PHF14: variants seen among roughly 807,000 people sequenced by gnomAD.
PHF14 encodes the protein PHD finger protein 14.
In PHF14, 55 loss-of-function variants were observed where a neutral mutation model predicts 117.9. The observed-to-expected ratio is 0.47, with a 90% confidence interval of 0.38 to 0.58. The LOEUF (loss-of-function observed/expected upper bound fraction) is 0.58, where lower values mean the gene tolerates loss of function less well. Among genes scored for constraint, PHF14 ranks in the 20% least tolerant of loss-of-function variants. The pLI is 0.00. For missense variants in PHF14, 978 were observed against 1,122.2 expected, an observed-to-expected ratio of 0.87 and a Z score of 1.84; for synonymous variants, 409 against 368.6, an observed-to-expected ratio of 1.11 and a Z score of -1.26.
rs1583317857 is a variant in PHF14 at position 10,974,271 on chromosome 7, C to T, written c.-53C>T. 6.5e-7 allele frequency: 1 copy of T among 1,543,658 alleles called. No individual in the cohort carries two copies. The highest frequency in any genetic ancestry group is 1.2e-5 in the South Asian group (1 of 85,126). The stretch of plus-strand genomic sequence containing the variant: ...GTCCCCGACCTCGGCGCTGCCTGGG[C>T]TCCTGCAGCCTCTCCCTAAGTCTTC... On this transcript the variant is annotated 5_prime_UTR_variant, in exon 1 of 18. Coordinates refer to ENST00000634607, the MANE Select transcript of PHF14 (RefSeq NM_001007157.2).
At chr7:11,017,386 C>T (rs1361591623) in intron 5 of PHF14, among the ~76,000 whole-genome samples, 1 of 152,138 alleles carries the variant, frequency 6.6e-6, no homozygotes, top group Non-Finnish European at 1.5e-5. Flanking sequence ...CTTTTCTCCA[C>T]ATTCTTGCCA....
intron 4 of PHF14, among the ~76,000 whole-genome samples, chr7:10,997,775 G>A (rs1425302630): frequency 2.6e-5 from 4 of 152,222 alleles, no homozygotes; most frequent in Non-Finnish European, 5.9e-5. Context: ...TTCATGAAGG[G>A]CAGCTGGCTT....
At chr7:11,133,505 G>A (rs945889004) in intron 17 of PHF14, among the ~76,000 whole-genome samples, 1 of 151,888 alleles carries the variant, frequency 6.6e-6, no homozygotes, top group African/African-American at 2.4e-5. Flanking sequence ...ATTAGATTGA[G>A]ACCATATCAT....
chr7:11,100,161 A>G (rs1273007396), intron 16 of PHF14, among the ~76,000 whole-genome samples: 2 of 152,062 alleles, frequency 1.3e-5, no homozygotes, highest in Admixed American at 6.6e-5. Flanking sequence ...TATTGATTTT[A>G]TATTTCTTTG....
At chr7:11,123,849 C>A (rs1213018589) in intron 17 of PHF14, among the ~76,000 whole-genome samples, 1 of 146,712 alleles carries the variant, frequency 6.8e-6, no homozygotes, top group Non-Finnish European at 1.5e-5. Flanking sequence ...ACCCAGGAGG[C>A]GGAAGTTGCA....
intron 17 of PHF14, among the ~76,000 whole-genome samples, chr7:11,127,824 G>A (rs1787969892): frequency 6.6e-6 from 1 of 151,990 alleles, no homozygotes; most frequent in Non-Finnish European, 1.5e-5. Context: ...ATTTACGAGA[G>A]ATTGAGAAAA....
Position 11,083,464 on chromosome 7 carries a change from ATTTTT to A in PHF14, c.2654+21396_2654+21400del, listed in dbSNP as rs776573456. On this transcript the variant is annotated intron_variant, in intron 16 of 17. Coordinates refer to ENST00000634607, the MANE Select transcript of PHF14 (RefSeq NM_001007157.2). Reference sequence around the variant, plus strand: ...CACATAGAAATATTCTGCTTTCCCTATTTTTTTTTTTTTTTTTTTTTGATACAGAG... The same window carrying A: ...CACATAGAAATATTCTGCTTTCCCTATTTTTTTTTTTTTTTTGATACAGAG... Among the ~76,000 whole-genome samples, 7 of 112,310 alleles carry A rather than the reference ATTTTT, an allele frequency of 6.2e-5. No homozygotes were observed. The East Asian group carries it at 7.7e-4, about 12-fold the overall frequency. The allele number at this position is 112,310 out of a possible 152,430, so 73.7% of individuals were successfully genotyped here.
intron 12 of PHF14, among the ~76,000 whole-genome samples, chr7:11,041,738 T>C (rs1251028310): frequency 6.6e-6 from 1 of 151,980 alleles, no homozygotes; most frequent in African/African-American, 2.4e-5. Context: ...CATCAGGCAA[T>C]ATCACTATGC....
At chr7:11,043,055 C>G (rs907716073) in intron 13 of PHF14, among the ~76,000 whole-genome samples, 3 of 151,894 alleles carry the variant, frequency 2.0e-5, no homozygotes, top group Admixed American at 6.6e-5. Context: ...TGAATTCTGT[C>G]CATTGCTTAT....
intron 4 of PHF14, among the ~76,000 whole-genome samples, chr7:11,002,492 G>A (rs1782911661): frequency 6.6e-6 from 1 of 151,894 alleles, no homozygotes; most frequent in South Asian, 2.1e-4. Flanking sequence ...AGGCTGGAGT[G>A]CAATGGAGCA....
chr7:11,140,348 C>T (rs1441463043), intron 17 of PHF14, among the ~76,000 whole-genome samples: 1 of 152,036 alleles, frequency 6.6e-6, no homozygotes, highest in Non-Finnish European at 1.5e-5. Flanking sequence ...CAAATGTTCA[C>T]AGCTCAGTAA....
Position 10,974,006 on chromosome 7 carries a change from T to A in PHF14, c.-318T>A. ...AAGTTTTTCTTTCTTTAATTTTTTT[T>A]CTTCTAGTTTTAACGGGAGAAATTA... On this transcript the variant is annotated 5_prime_UTR_variant, in exon 1 of 18. Coordinates refer to ENST00000634607, the MANE Select transcript of PHF14 (RefSeq NM_001007157.2). 1 of 315,508 alleles carries A rather than the reference T, an allele frequency of 3.2e-6. No homozygotes were observed. The highest frequency in any genetic ancestry group is 9.7e-4 in the Middle Eastern group (1 of 1,028). The allele number at this position is 315,508 out of a possible 1,614,324, so 19.5% of individuals were successfully genotyped here.
At chr7:10,998,215 G>A (rs1782732847) in intron 4 of PHF14, among the ~76,000 whole-genome samples, 1 of 152,136 alleles carries the variant, frequency 6.6e-6, no homozygotes, top group African/African-American at 2.4e-5. Flanking sequence ...AAGGATATAT[G>A]GGTCCAGATG....
intron 17 of PHF14, among the ~76,000 whole-genome samples, chr7:11,136,903 G>A (rs1239005434): frequency 2.6e-5 from 4 of 152,110 alleles, no homozygotes; most frequent in Non-Finnish European, 4.4e-5. Flanking sequence ...ACTAGCACAT[G>A]CTTATTATAG....
At chr7:11,059,125 A>G (rs553709803) in intron 14 of PHF14, among the ~76,000 whole-genome samples, 27 of 152,296 alleles carry the variant, frequency 1.8e-4, no homozygotes, top group African/African-American at 6.3e-4. Context: ...CCATTGTGTG[A>G]TTGAATCACT....
At chr7:11,086,690 G>A (rs2995898) in intron 16 of PHF14, among the ~76,000 whole-genome samples, 77,868 of 151,960 alleles carry the variant, frequency 0.51, 20,781 homozygotes, top group East Asian at 0.85. Flanking sequence ...AGTTATAATT[G>A]TCAGATATTA....
Position 11,037,004 on chromosome 7 carries a change from T to C in PHF14, c.1893T>C (p.Ile631=). 8 of 1,513,394 alleles carry C rather than the reference T, an allele frequency of 5.3e-6. No individual in the cohort carries two copies. Among genetic ancestry groups the C allele is most frequent in the Non-Finnish European group, 7.2e-6 (8 of 1,109,498 alleles). 93.7% of individuals were successfully genotyped at this position (1,513,394 alleles called of 1,614,324 possible). ...AAATAGAGAGAAATATGCGCATGAT[T>C]CAAATTCAGGAAAATATGGCTGAAC... is the stretch of plus-strand genomic sequence containing the variant. ...NYYFERNMRM[I]QIQENMAEQK... The change falls in exon 10 of 18, where the codon ATT becomes ATC. Residue 631 remains isoleucine (I), a synonymous_variant. Coordinates refer to ENST00000634607, the MANE Select transcript of PHF14 (RefSeq NM_001007157.2).
At chr7:10,982,034 T>G (rs1323440963) in intron 2 of PHF14, among the ~76,000 whole-genome samples, 3 of 152,200 alleles carry the variant, frequency 2.0e-5, no homozygotes, top group Non-Finnish European at 4.4e-5. Flanking sequence ...TGCCCAATCT[T>G]AAAAGAAGCA....
intron 2 of PHF14, among the ~76,000 whole-genome samples, chr7:10,976,051 G>T (rs561888410): frequency 1.4e-4 from 21 of 152,216 alleles, no homozygotes; most frequent in Admixed American, 1.2e-3. Context: ...AGGTAACAGG[G>T]GTATTGAGTT....
Sources: allele counts gnomAD v4.1 joint callset (sites outside exome capture counted in the v4.1 genomes callset), GRCh38; gene constraint gnomAD v4.1.1; transcripts MANE v1.5; gene names NCBI Gene and HGNC (gene_info 2026-07-23, HGNC 2026-07-21).